NINL: variants seen among roughly 807,000 people sequenced by gnomAD.
NINL encodes the protein ninein-like protein.
NINL carries 153 observed loss-of-function variants against 160.3 expected under a neutral mutation model. That is an observed-to-expected ratio of 0.95 (90% CI 0.84 to 1.09). The LOEUF is 1.09. Ranked by LOEUF, NINL falls within the 50% of genes least tolerant of loss-of-function variation. NINL has a pLI of 0.00. For synonymous variants in NINL, 800 were observed against 734.8 expected (o/e 1.09, Z -1.43); for missense variants, 1,829 against 1,764.0 (o/e 1.04, Z -0.66).
At chr20:25,478,512 G>C (rs1044553362) in intron 16 of NINL, among the ~76,000 whole-genome samples, 1 of 152,188 alleles carries the variant, frequency 6.6e-6, no homozygotes, top group Non-Finnish European at 1.5e-5. Flanking sequence ...TTGCACACTT[G>C]AGCCTTTTTG....
intron 1 of NINL, among the ~76,000 whole-genome samples, chr20:25,577,589 G>A (rs781310639): frequency 3.3e-5 from 5 of 152,182 alleles, no homozygotes; most frequent in Admixed American, 1.3e-4. Context: ...CCCTTGAAAC[G>A]AAAACTCCAA....
At chr20:25,508,699 C>G (rs528782807) in intron 5 of NINL, among the ~76,000 whole-genome samples, 4 of 152,206 alleles carry the variant, frequency 2.6e-5, no homozygotes, top group African/African-American at 9.6e-5. Context: ...AGAGGGCTCT[C>G]GGCATTCAGC....
intron 1 of NINL, among the ~76,000 whole-genome samples, chr20:25,549,245 C>T (rs938902331): frequency 6.1e-4 from 92 of 149,948 alleles, no homozygotes; most frequent in African/African-American, 1.8e-3. Flanking sequence ...CACACCCAGC[C>T]TCACCCAGGG....
chr20:25,498,152 T>A (rs2063795908), intron 9 of NINL, 58 bp downstream of exon 9: 2 of 1,598,982 alleles, frequency 1.3e-6, no homozygotes, highest in South Asian at 2.2e-5. Context: ...CAGACCCCCC[T>A]CCAGGCCCAC....
At chr20:25,471,837 T>G (rs750644813) in intron 17 of NINL, among the ~76,000 whole-genome samples, 3 of 152,194 alleles carry the variant, frequency 2.0e-5, no homozygotes, top group African/African-American at 4.8e-5. Context: ...GCTCTTTATA[T>G]TCCCAGAGAT....
chr20:25,505,021 G>C lies in NINL; in HGVS notation c.575C>G (p.Pro192Arg), dbSNP rs2063936177. The change falls in exon 6 of 24, where the codon CCC becomes CGC. Residue 192 changes from proline to arginine, a missense_variant. By Grantham distance (103) the Pro-to-Arg change is moderately radical. Coordinates refer to ENST00000278886, the MANE Select transcript of NINL (RefSeq NM_025176.6). ...DFGSPQKSCSPSFDTPESQIR... is the reference protein window; with the variant it reads ...DFGSPQKSCSRSFDTPESQIR... ...CTGGCTCTCTGGGGTGTCAAAGGAG[G>C]GGCTGCAGGACTTCTGGGGGCTCCC... is the stretch of plus-strand genomic sequence containing the variant. 1 of 1,612,796 alleles carries C rather than the reference G, an allele frequency of 6.2e-7. No homozygotes were observed. The highest frequency in any genetic ancestry group is 1.3e-5 in the African/African-American group (1 of 74,882).
chr20:25,468,545 A>C (rs1601023575), intron 18 of NINL, among the ~76,000 whole-genome samples: 5 of 75,414 alleles, frequency 6.6e-5, no homozygotes, highest in African/African-American at 9.7e-5. Context: ...CTGTCCCCCG[A>C]CTCTCACTGG....
chr20:25,484,469 C>G (rs898416614), intron 13 of NINL, among the ~76,000 whole-genome samples: 3 of 152,318 alleles, frequency 2.0e-5, no homozygotes, highest in Non-Finnish European at 4.4e-5. Context: ...ATTATGCCAG[C>G]AAGTGTGGAA....
intron 7 of NINL, among the ~76,000 whole-genome samples, chr20:25,503,343 G>T (rs6050655): frequency 4.4e-5 from 6 of 136,908 alleles, no homozygotes; most frequent in African/African-American, 1.7e-4. Context: ...GAGCAGCCAT[G>T]TTCCTCACCT....
rs777310048 is a variant in NINL at position 25,504,914 on chromosome 20, C to A, written c.682G>T (p.Val228Phe). Reference sequence around the variant, plus strand: ...TCTTTCTCGAGTCCCTGGAGCCCGACGCTCTGGCAGACCACAGCCAGCTCC... The same window carrying A: ...TCTTTCTCGAGTCCCTGGAGCCCGAAGCTCTGGCAGACCACAGCCAGCTCC... The part of the protein sequence containing the change: ...EQELAVVCQS[V>F]GLQGLEKEEL... The change falls in exon 6 of 24, where the codon GTC becomes TTC. Residue 228 changes from valine (V) to phenylalanine (F), a missense_variant. Val to Phe is a conservative substitution (Grantham distance 50). Transcript: ENST00000278886. 6.2e-7 allele frequency: 1 copy of A among 1,611,812 alleles called. No individual in the cohort carries two copies. Among genetic ancestry groups the A allele is most frequent in the East Asian group, 2.2e-5 (1 of 44,874 alleles).
intron 10 of NINL, among the ~76,000 whole-genome samples, chr20:25,496,201 G>GAAAT (rs2063749065): frequency 6.6e-6 from 1 of 152,170 alleles, no homozygotes; most frequent in South Asian, 2.1e-4. Flanking sequence ...GGTCTATCCA[G>GAAAT]CCACTGTTCC....
At chr20:25,570,994 C>T (rs746571065) in intron 1 of NINL, among the ~76,000 whole-genome samples, 5 of 149,926 alleles carry the variant, frequency 3.3e-5, no homozygotes, top group Non-Finnish European at 7.4e-5. Context: ...CGCGCCCAGC[C>T]AAATCCTGGG....
chr20:25,499,275 G>A, intron 8 of NINL: 1 of 970,848 alleles, frequency 1.0e-6, no homozygotes, highest in South Asian at 4.8e-5. Context: ...GGCGTAGAGG[G>A]ACAGAACCGC....
rs542645895 is a variant in NINL, at chr20:25,490,687, A to C, written c.1485+664T>G. ...CAGATATCGTACCAGGACAGCTCAG[A>C]CAGCCATTGCCAGGGGAGGAGGCAG... On this transcript the variant is annotated intron_variant, in intron 11 of 23. Coordinates refer to ENST00000278886, the MANE Select transcript of NINL (RefSeq NM_025176.6). Among the ~76,000 whole-genome samples the C allele has an allele frequency of 2.2e-4, 33 of 152,212 alleles. No individual in the cohort carries two copies. In the South Asian group the frequency reaches 5.8e-3, roughly 27 times the overall value.
intron 1 of NINL, among the ~76,000 whole-genome samples, 191 bp downstream of exon 1, chr20:25,585,264 G>A (rs1233205417): frequency 2.0e-5 from 3 of 152,294 alleles, no homozygotes; most frequent in African/African-American, 7.2e-5. Context: ...CCCCGCCCTC[G>A]AGGGCGACCG....
intron 14 of NINL, among the ~76,000 whole-genome samples, chr20:25,481,056 C>T (rs1445406361): frequency 6.6e-6 from 1 of 152,182 alleles, no homozygotes; most frequent in Non-Finnish European, 1.5e-5. Context: ...GTCAGTCTCA[C>T]ATGCACAAAA....
chr20:25,583,069 T>C (rs1185237884), intron 1 of NINL, among the ~76,000 whole-genome samples: 1 of 152,198 alleles, frequency 6.6e-6, no homozygotes, highest in Non-Finnish European at 1.5e-5. Flanking sequence ...GACATAGGCA[T>C]GGGCAAAGTC....
intron 10 of NINL, among the ~76,000 whole-genome samples, chr20:25,494,118 C>A (rs1339285779): frequency 6.9e-6 from 1 of 145,122 alleles, no homozygotes. Context: ...GCACACAGTA[C>A]CCCCACTACA....
chr20:25,524,860 AT>A (rs1271160149), intron 2 of NINL, among the ~76,000 whole-genome samples: 6 of 150,998 alleles, frequency 4.0e-5, no homozygotes, highest in African/African-American at 1.5e-4. Context: ...TAAATTCTTG[AT>A]TTTTCAAAAA....
Sources: gnomAD v4.1 joint callset for allele counts (sites outside exome capture counted in the v4.1 genomes callset) on GRCh38, gnomAD v4.1.1 for gene constraint, MANE v1.5 for transcripts, NCBI Gene and HGNC (gene_info 2026-07-23, HGNC 2026-07-21) for gene names.